SPTBN5: variants seen among roughly 807,000 people sequenced by gnomAD.
SPTBN5 encodes spectrin beta chain, non-erythrocytic 5.
A neutral mutation model predicts 477.6 loss-of-function variants in SPTBN5; 513 were observed. The observed-to-expected ratio is 1.07, with a 90% CI of 1.00 to 1.16. The LOEUF (loss-of-function observed/expected upper bound fraction) is 1.16. Ranked by LOEUF, SPTBN5 falls within the 50% of genes most tolerant of loss-of-function variation. The pLI is 0.00. For synonymous variants in SPTBN5, 2,169 were observed against 2,011.7 expected (o/e 1.08, Z -2.09); for missense variants, 5,062 against 4,731.8 (o/e 1.07, Z -2.05).
Position 41,871,389 on chromosome 15 carries a change from C to T in SPTBN5, c.5433G>A (p.Arg1811=), listed in dbSNP as rs2066529428. ...TGGGCACTCACTGCAGATCCTGCTG[C>T]CTCTGACGGACCATGGGGCCAGCAC... The part of the protein sequence containing the change: ...GHSAGPMVRQ[R]QQDLQTAWSE... The change falls in exon 29 of 68, where the codon AGG becomes AGA. Residue 1811 remains arginine (R), a synonymous_variant. Coordinates refer to ENST00000320955, the MANE Select transcript of SPTBN5 (RefSeq NM_016642.4). The T allele has an allele frequency of 4.8e-6, 7 of 1,467,130 alleles. No individual in the cohort carries two copies. Among genetic ancestry groups the T allele is most frequent in the Non-Finnish European group, 6.3e-6 (7 of 1,106,652 alleles). 90.9% of individuals were successfully genotyped at this position (1,467,130 alleles called of 1,614,324 possible). A position where few individuals can be genotyped will look rare whatever the true frequency, so the allele number is the denominator to read the frequency against.
Position 41,861,726 on chromosome 15 carries a change from T to C in SPTBN5, c.7737+9A>G. 6.5e-7 allele frequency: 1 copy of C among 1,537,624 alleles called. No homozygotes were observed. The highest frequency in any genetic ancestry group is 8.7e-7 in the Non-Finnish European group (1 of 1,145,266). On this transcript the variant is annotated intron_variant, in intron 45 of 67. Transcript: ENST00000320955. ...GCAAGATGCAGGCTGGGGATGGGACTGTGCCTGCCTGTAGCTCCAGGGCCT... is the reference window on the plus strand; with the variant it reads ...GCAAGATGCAGGCTGGGGATGGGACCGTGCCTGCCTGTAGCTCCAGGGCCT...
In SPTBN5 at chr15:41,852,220, C is replaced by A; in HGVS notation, c.10546G>T (p.Gly3516Trp). The A allele has an allele frequency of 1.2e-6, 2 of 1,608,680 alleles. No homozygotes were observed. The highest frequency in any genetic ancestry group is 1.1e-5 in the South Asian group (1 of 90,792). Reference sequence around the variant, plus strand: ...GTCTCAGCCAGCTGTGCTCCTAGCCCCTGGTGTCCAGAGGGCCTCCACTGA... The same window carrying A: ...GTCTCAGCCAGCTGTGCTCCTAGCCACTGGTGTCCAGAGGGCCTCCACTGA... ...SFQWRPSGHQGLGAQLAETRD... is the reference protein window; with the variant it reads ...SFQWRPSGHQWLGAQLAETRD... The change falls in exon 62 of 68, where the codon GGG becomes TGG. Residue 3516 changes from glycine to tryptophan, a missense_variant. Transcript: ENST00000320955.
At position 41,865,123 on chromosome 15, in the gene SPTBN5, C is replaced by CA. The variant is rs571074646; in HGVS notation, c.6918+684dup. On this transcript the variant is annotated intron_variant, in intron 39 of 67. Transcript: ENST00000320955. The stretch of plus-strand genomic sequence containing the variant: ...AGTAATACATACATGTACCGGGGGA[C>CA]AAGGTTAGCACATTTGGTCTTTAAC... Among the ~76,000 whole-genome samples, 387 of 152,282 alleles carry CA rather than the reference C, an allele frequency of 2.5e-3. 2 individuals carry two copies. The highest frequency in any genetic ancestry group is 8.9e-3 in the African/African-American group (369 of 41,556).
At chr15:41,867,173 C>A in intron 35 of SPTBN5, 47 bp from the exon 36 acceptor site, 7 of 1,493,426 alleles carry the variant, frequency 4.7e-6, no homozygotes, top group Middle Eastern at 4.8e-4. Context: ...TGGGCTGGGG[C>A]AGGGCCTGGC....
Position 41,861,920 on chromosome 15 carries a change from C to T in SPTBN5, c.7552G>A (p.Glu2518Lys), listed in dbSNP as rs369072456. Residue 2518 changes from glutamate (E) to lysine (K), a missense_variant, in exon 45 of 68, where the codon GAG becomes AAG. Glu to Lys is a moderately conservative substitution (Grantham distance 56, BLOSUM62 1). Transcript: ENST00000320955. ...ATGCTGTCTGTCCAGGAGTCCAGCT[C>T]GGCCTGGAACAGGACTGGGCTCAGA... ...MLEEHQECKAELDSWTDSISL... is the reference protein window; with the variant it reads ...MLEEHQECKAKLDSWTDSISL... The T allele has an allele frequency of 3.1e-5, 50 of 1,600,160 alleles. No homozygotes were observed. Among genetic ancestry groups the T allele is most frequent in the African/African-American group, 5.3e-5 (4 of 74,880 alleles).
Position 41,881,926 on chromosome 15 carries a change from C to G in SPTBN5, c.2457+10G>C, listed in dbSNP as rs761987703. ...GGAGACCAGGCGCCCTTCCCTGTCC[C>G]CGTCCTCACCGTGAATAACGACGCC... On this transcript the variant is annotated intron_variant, in intron 12 of 67. Coordinates refer to ENST00000320955, the MANE Select transcript of SPTBN5 (RefSeq NM_016642.4). The G allele has an allele frequency of 2.4e-4, 362 of 1,526,786 alleles. 2 individuals carry two copies. The highest frequency in any genetic ancestry group is 2.3e-4 in the Middle Eastern group (1 of 4,322). 94.6% of individuals were successfully genotyped at this position (1,526,786 alleles called of 1,614,324 possible).
chr15:41,855,876 A>T, intron 53 of SPTBN5, 131 bp from the exon 54 acceptor site: 1 of 937,828 alleles, frequency 1.1e-6, no homozygotes, highest in East Asian at 2.7e-5. Flanking sequence ...GCCTGGCCCC[A>T]CTCCTAAGCA....
At position 41,877,342 on chromosome 15, in the gene SPTBN5, T is replaced by C. The variant is rs551883865; in HGVS notation, c.3485A>G (p.Asp1162Gly). Residue 1162 changes from aspartate to glycine, a missense_variant, in exon 18 of 68, where the codon GAC becomes GGC. By Grantham distance (94) the Asp-to-Gly change is moderately conservative. Coordinates refer to ENST00000320955, the MANE Select transcript of SPTBN5 (RefSeq NM_016642.4). Reference sequence around the variant, plus strand: ...GGCTGCCATGGGCTGGCTCTGAGCGTCCAGCTGCTGCAGCCTGACCAGGAT... The same window carrying C: ...GGCTGCCATGGGCTGGCTCTGAGCGCCCAGCTGCTGCAGCCTGACCAGGAT... Reference protein sequence around the residue: ...HLWQERLQQLDAQSQPMAALD... With the variant: ...HLWQERLQQLGAQSQPMAALD... 1 of 1,608,184 alleles carries C rather than the reference T, an allele frequency of 6.2e-7. No homozygotes were observed. The highest frequency in any genetic ancestry group is 1.1e-5 in the South Asian group (1 of 90,102).
rs748598225 is a variant in SPTBN5, at chr15:41,853,246, C to A, written c.10170+12G>T. 2 of 1,577,068 alleles carry A rather than the reference C, an allele frequency of 1.3e-6. No individual in the cohort carries two copies. The highest frequency in any genetic ancestry group is 1.7e-6 in the Non-Finnish European group (2 of 1,154,156). On this transcript the variant is annotated intron_variant, in intron 59 of 67. Coordinates refer to ENST00000320955, the MANE Select transcript of SPTBN5 (RefSeq NM_016642.4). ...CCCAGCCCAACCCCAGGCCCACCCT[C>A]TGAGTTCACACCTCCGCAGACATGA... is the stretch of plus-strand genomic sequence containing the variant.
intron 32 of SPTBN5, among the ~76,000 whole-genome samples, chr15:41,869,197 A>T (rs151124079): frequency 6.6e-6 from 1 of 152,252 alleles, no homozygotes; most frequent in South Asian, 2.1e-4. Context: ...CTCTAAGTGC[A>T]TGACAAACCC....
Position 41,858,939 on chromosome 15 carries a change from C to G in SPTBN5, c.8030G>C (p.Arg2677Pro). The part of the protein sequence containing the change: ...LFRQAGTRRH[R>P]LEELRQLQAF... ...CTGCAGCTGCCGGAGCTCCTCCAGG[C>G]GATGGCGGCGGGTCCCGGCTTGCCT... Residue 2677 changes from arginine (R) to proline (P), a missense_variant, in exon 48 of 68, where the codon CGC becomes CCC. Arg to Pro is a moderately radical substitution (Grantham distance 103). Transcript: ENST00000320955. 1.3e-6 allele frequency: 2 copies of G among 1,594,364 alleles called. No individual in the cohort carries two copies. The highest frequency in any genetic ancestry group is 1.7e-6 in the Non-Finnish European group (2 of 1,168,714).
chr15:41,855,820 G>C (rs2065916161), intron 53 of SPTBN5, 75 bp from the exon 54 acceptor site: 4 of 1,414,406 alleles, frequency 2.8e-6, no homozygotes, highest in African/African-American at 1.4e-5. Context: ...ACGATTCTCA[G>C]CCTGGCTGCA....
At position 41,868,109 on chromosome 15, in the gene SPTBN5, C is replaced by T; in HGVS notation, c.6167G>A (p.Arg2056Lys). The T allele has an allele frequency of 6.2e-7, 1 of 1,603,154 alleles. No homozygotes were observed. The highest frequency in any genetic ancestry group is 8.5e-7 in the Non-Finnish European group (1 of 1,176,492). Residue 2056 changes from arginine (R) to lysine (K), a missense_variant, in exon 34 of 68, where the codon AGA becomes AAA. Physicochemically the swap from Arg to Lys is conservative, Grantham distance 26 (BLOSUM62 2). Transcript: ENST00000320955. ...QAEQQEQLFLRECGRLEEILA... is the reference protein window; with the variant it reads ...QAEQQEQLFLKECGRLEEILA... ...GATCTCCTCCAGGCGGCCGCACTCT[C>T]TGAGGAAGAGCTGCTCCTGCTGCTC...
rs760891434 is a variant in SPTBN5, at chr15:41,876,943, G to A, written c.3717C>T (p.Asp1239=). The change falls in exon 19 of 68, where the codon GAC becomes GAT. Residue 1239 remains aspartate (D), a synonymous_variant. Transcript: ENST00000320955. ...AWLHLDNLGE[D]VREALSLLQQ... ...GCAGCAGGCTCAGGGCCTCCCTCACGTCCTCCTGGGAGTGCAGAGACCTGA... is the reference window on the plus strand; with the variant it reads ...GCAGCAGGCTCAGGGCCTCCCTCACATCCTCCTGGGAGTGCAGAGACCTGA... The A allele has an allele frequency of 1.1e-5, 18 of 1,606,240 alleles. No homozygotes were observed. The highest frequency in any genetic ancestry group is 5.4e-5 in the African/African-American group (4 of 74,734).
chr15:41,861,790 A>G lies in SPTBN5; in HGVS notation c.7682T>C (p.Leu2561Pro). The G allele has an allele frequency of 6.4e-7, 1 of 1,563,680 alleles. No homozygotes were observed. The highest frequency in any genetic ancestry group is 1.9e-4 in the Middle Eastern group (1 of 5,306). ...CTGATGCTCCTGCCAGGCCCCTTCC[A>G]GGCTGCTCAGCTCCTGTTCTAAGCC... ...LAGLEQELSSLEGAWQEHQLQ... is the reference protein window; with the variant it reads ...LAGLEQELSSPEGAWQEHQLQ... The change falls in exon 45 of 68, where the codon CTG becomes CCG. Residue 2561 changes from leucine (L) to proline (P), a missense_variant. Coordinates refer to ENST00000320955, the MANE Select transcript of SPTBN5 (RefSeq NM_016642.4).
Position 41,848,447 on chromosome 15 carries a change from A to AGGAC in SPTBN5, c.*165_*168dup, listed in dbSNP as rs2065627667. 6 of 753,344 alleles carry AGGAC rather than the reference A, an allele frequency of 8.0e-6. No individual in the cohort carries two copies. The allele number at this position is 753,344 out of a possible 1,614,324, so 46.7% of individuals were successfully genotyped here. On this transcript the variant is annotated 3_prime_UTR_variant, in exon 68 of 68. Transcript: ENST00000320955. The stretch of plus-strand genomic sequence containing the variant: ...CAATGGCTGTTTCCTGCCACATGGT[A>AGGAC]GGACCCATCTAACCAGAAGGAACTG...
rs1197680 is a variant in SPTBN5, at chr15:41,878,643, T to C, written c.3183-14A>G. ...GGCTCCTCGACCCTGGGAGACAGGG[T>C]GCGCTGCACAGTCAGTGCCCTGTCC... On this transcript the variant is annotated splice_polypyrimidine_tract_variant and intron_variant, in intron 16 of 67. Transcript: ENST00000320955. 100,127 of 1,604,074 alleles carry C rather than the reference T, an allele frequency of 0.062. 4,541 individuals are homozygous for C. Among genetic ancestry groups the C allele is most frequent in the African/African-American group, 0.2 (15,051 of 74,730 alleles).
rs1567196313 is a variant in SPTBN5 at position 41,862,892 on chromosome 15, G to A, written c.7161C>T (p.Ile2387=). 3 of 1,579,118 alleles carry A rather than the reference G, an allele frequency of 1.9e-6. No homozygotes were observed. The highest frequency in any genetic ancestry group is 2.3e-5 in the East Asian group (1 of 42,934). Residue 2387 remains isoleucine, a synonymous_variant, in exon 42 of 68, where the codon ATC becomes ATT. Transcript: ENST00000320955. ...GATCTTTCCCACAGTCCAGGGCCTGGATCAGGGCTTCCTGGAGGAGGGGCA... is the reference window on the plus strand; with the variant it reads ...GATCTTTCCCACAGTCCAGGGCCTGAATCAGGGCTTCCTGGAGGAGGGGCA... ...TKRIQEKEAL[I]QALDCGKDLE...
rs1255879798 is a variant in SPTBN5 at position 41,862,914 on chromosome 15, G to A, written c.7150-11C>T. 1.3e-6 allele frequency: 2 copies of A among 1,561,338 alleles called. No individual in the cohort carries two copies. The highest frequency in any genetic ancestry group is 1.4e-5 in the African/African-American group (1 of 73,636). On this transcript the variant is annotated splice_polypyrimidine_tract_variant and intron_variant, in intron 41 of 67. Coordinates refer to ENST00000320955, the MANE Select transcript of SPTBN5 (RefSeq NM_016642.4). The stretch of plus-strand genomic sequence containing the variant: ...CTGGATCAGGGCTTCCTGGAGGAGG[G>A]GCACGGCCAGTTACCTGCTGGGCCT...
Sources: allele counts gnomAD v4.1 joint callset (sites outside exome capture counted in the v4.1 genomes callset), GRCh38; gene constraint gnomAD v4.1.1; transcripts MANE v1.5; gene names NCBI Gene and HGNC (gene_info 2026-07-23, HGNC 2026-07-21).